DYM: variants seen among roughly 807,000 people sequenced by gnomAD.
DYM encodes dymeclin.
A neutral mutation model predicts 93.1 loss-of-function variants in DYM; 78 were observed. The ratio of observed to expected loss-of-function variants is 0.84; its 90% CI spans 0.70 to 1.01. The LOEUF (loss-of-function observed/expected upper bound fraction) is 1.01, where lower values mean the gene tolerates loss of function less well. Among genes scored for constraint, DYM ranks in the 50% least tolerant of loss-of-function variants. DYM has a pLI of 0.00. For missense variants in DYM, 789 were observed against 845.0 expected (o/e 0.93, Z 0.82); for synonymous variants, 321 against 319.7 (o/e 1.00, Z -0.04).
chr18:49,391,686 A>G, intron 2 of DYM, 41 bp from the exon 3 acceptor site: 1 of 1,511,136 alleles, frequency 6.6e-7, no homozygotes, highest in Non-Finnish European at 9.2e-7. Context: ...TGACTATAAT[A>G]CTAAATATGT....
At chr18:49,051,174 T>G (rs531031672) in intron 17 of DYM, among the ~76,000 whole-genome samples, 2 of 152,194 alleles carry the variant, frequency 1.3e-5, no homozygotes, top group African/African-American at 4.8e-5. Context: ...TAGGTTTTCA[T>G]GTCTTTCAAG....
intron 15 of DYM, among the ~76,000 whole-genome samples, chr18:49,154,139 A>G (rs1341032878): frequency 2.0e-5 from 3 of 152,148 alleles, no homozygotes; most frequent in African/African-American, 7.2e-5. Flanking sequence ...AAAATAACTG[A>G]CTAGTAGTCT....
At position 49,334,403 on chromosome 18, in the gene DYM, T is replaced by G. The variant is rs555898560; in HGVS notation, c.495-550A>C. 1.6e-4 allele frequency among the ~76,000 whole-genome samples: 24 copies of G among 152,340 alleles called. No individual in the cohort carries two copies. In the South Asian group the frequency reaches 2.1e-3, roughly 13 times the overall value. The stretch of plus-strand genomic sequence containing the variant: ...AGTAAACAAGTTATTCCTGTTTTAT[T>G]AAGCATATTTTGATTATGAAGGGTT... On this transcript the variant is annotated intron_variant, in intron 6 of 17. Transcript: ENST00000675505.
intron 8 of DYM, among the ~76,000 whole-genome samples, chr18:49,328,454 G>A (rs2146748599): frequency 6.6e-6 from 1 of 152,218 alleles, no homozygotes; most frequent in South Asian, 2.1e-4. Context: ...AAAAAAGAGA[G>A]CATCTGCACA....
chr18:49,343,785 A>G (rs2064347556), intron 6 of DYM, among the ~76,000 whole-genome samples: 1 of 152,158 alleles, frequency 6.6e-6, no homozygotes, highest in African/African-American at 2.4e-5. Context: ...CCCAGCTTCT[A>G]AACACTTTTT....
At chr18:49,088,550 TA>T (rs200912955) in intron 17 of DYM, among the ~76,000 whole-genome samples, 3,822 of 106,732 alleles carry the variant, frequency 0.036, 102 homozygotes, top group Admixed American at 0.13. Context: ...CCCTAGAACT[TA>T]AAAAAAAAAA....
intron 14 of DYM, among the ~76,000 whole-genome samples, chr18:49,187,386 C>A (rs1189058105): frequency 6.6e-6 from 1 of 152,082 alleles, no homozygotes; most frequent in African/African-American, 2.4e-5. Flanking sequence ...AATAAATAAA[C>A]AAAATAGCAC....
chr18:49,235,391 T>C (rs1427704809), intron 13 of DYM, among the ~76,000 whole-genome samples: 4 of 152,162 alleles, frequency 2.6e-5, no homozygotes, highest in African/African-American at 7.2e-5. Flanking sequence ...TTTCAACACA[T>C]AGCAATATCA....
intron 2 of DYM, among the ~76,000 whole-genome samples, chr18:49,424,326 G>T (rs2074042048): frequency 6.6e-6 from 1 of 152,000 alleles, no homozygotes; most frequent in South Asian, 2.1e-4. Flanking sequence ...ATGCAGAAAA[G>T]GCCTTTGACA....
intron 15 of DYM, among the ~76,000 whole-genome samples, chr18:49,124,094 G>A (rs2082613682): frequency 6.6e-6 from 1 of 152,128 alleles, no homozygotes. Context: ...GTTTAAATAA[G>A]TAATTTGCTG....
chr18:49,122,949 T>C (rs1199847766), intron 15 of DYM, among the ~76,000 whole-genome samples: 2 of 152,238 alleles, frequency 1.3e-5, no homozygotes, highest in Non-Finnish European at 2.9e-5. Flanking sequence ...TATAGATCAC[T>C]GTTGCTTACT....
intron 13 of DYM, among the ~76,000 whole-genome samples, chr18:49,214,931 G>A (rs1450610176): frequency 2.0e-5 from 3 of 152,174 alleles, no homozygotes; most frequent in African/African-American, 7.2e-5. Flanking sequence ...GAGAGCCCAG[G>A]AGGTCATCAT....
chr18:49,424,226 T>C (rs1320762801), intron 2 of DYM, among the ~76,000 whole-genome samples: 1 of 152,180 alleles, frequency 6.6e-6, no homozygotes, highest in Non-Finnish European at 1.5e-5. Flanking sequence ...ATCCCTGGGA[T>C]GCAAGGCTGG....
At chr18:49,174,146 TG>T (rs1409556481) in intron 14 of DYM, among the ~76,000 whole-genome samples, 1 of 152,134 alleles carries the variant, frequency 6.6e-6, no homozygotes, top group Non-Finnish European at 1.5e-5. Context: ...AATAAAATAG[TG>T]GATGGTACTG....
intron 14 of DYM, chr18:49,205,998 T>TTTTG (rs1555800085): frequency 6.0e-5 from 10 of 166,300 alleles, no homozygotes; most frequent in Non-Finnish European, 1.2e-4. Flanking sequence ...TAGAGTTTTT[T>TTTTG]TTTTGTTTTT....
At chr18:49,262,846 A>T (rs1260069828) in intron 11 of DYM, among the ~76,000 whole-genome samples, 5 of 11,508 alleles carry the variant, frequency 4.3e-4, no homozygotes, top group Non-Finnish European at 8.1e-4. Context: ...CTACATTTTA[A>T]AAAAAATCCA....
At chr18:49,210,460 A>G (rs1337727127) in intron 13 of DYM, among the ~76,000 whole-genome samples, 1 of 152,228 alleles carries the variant, frequency 6.6e-6, no homozygotes, top group African/African-American at 2.4e-5. Flanking sequence ...CAAAGGCTAC[A>G]TATTGTGTGA....
chr18:49,232,856 A>G (rs892342670), intron 13 of DYM, among the ~76,000 whole-genome samples: 7 of 150,964 alleles, frequency 4.6e-5, no homozygotes, highest in African/African-American at 1.5e-4. Context: ...TGATCCGCCC[A>G]CCTCAGCCTC....
chr18:49,250,840 T>C (rs1437751317), intron 13 of DYM, among the ~76,000 whole-genome samples: 1 of 152,194 alleles, frequency 6.6e-6, no homozygotes. Flanking sequence ...CTGTAATGAT[T>C]CAGTAAAGCA....
Sources: gnomAD v4.1 joint callset for allele counts (sites outside exome capture counted in the v4.1 genomes callset) on GRCh38, gnomAD v4.1.1 for gene constraint, MANE v1.5 for transcripts, NCBI Gene and HGNC (gene_info 2026-07-23, HGNC 2026-07-21) for gene names.